THOC2: variants seen among roughly 807,000 people sequenced by gnomAD.
The protein encoded by THOC2 is THO complex 2.
Under a neutral mutation model 128.4 loss-of-function variants are expected in THOC2, and 10 were observed. The ratio of observed to expected loss-of-function variants is 0.08; its 90% CI spans 0.05 to 0.13. The LOEUF (loss-of-function observed/expected upper bound fraction) is 0.13. THOC2 is among the 10% of genes least tolerant of loss of function. The probability of loss-of-function intolerance (pLI) is 1.00; values close to 1 mark genes in which losing one functional copy is unlikely to be tolerated. For missense variants in THOC2, 535 were observed against 1,155.7 expected (o/e 0.46, Z 7.79); for synonymous variants, 393 against 396.9 (o/e 0.99, Z 0.12).
At chrX:123,615,024 T>G (rs2147554758) in intron 33 of THOC2, among the ~76,000 whole-genome samples, 1 of 111,924 alleles carries the variant, frequency 8.9e-6, no homozygotes, top group Non-Finnish European at 1.9e-5. Flanking sequence ...AATATGGAAA[T>G]ATGCTGTAAC....
At chrX:123,647,377 A>G (rs1264079748) in intron 12 of THOC2, among the ~76,000 whole-genome samples, 1 of 111,949 alleles carries the variant, frequency 8.9e-6, no homozygotes, top group South Asian at 3.7e-4. Context: ...ACATAATACT[A>G]TAAGTTTTAC....
intron 8 of THOC2, among the ~76,000 whole-genome samples, chrX:123,680,072 C>T (rs941560603): frequency 6.3e-5 from 7 of 111,471 alleles, no homozygotes; most frequent in Non-Finnish European, 1.3e-4. Flanking sequence ...TCCCCCAGTC[C>T]GACACCCGTA....
At chrX:123,626,339 C>T (rs1440289277) in intron 24 of THOC2, among the ~76,000 whole-genome samples, 182 bp downstream of exon 24, 1 of 112,232 alleles carries the variant, frequency 8.9e-6, no homozygotes, top group Non-Finnish European at 1.9e-5. Flanking sequence ...ACTTCACCAG[C>T]AAACTATATC....
chrX:123,635,377 G>A (rs767282176), intron 19 of THOC2, among the ~76,000 whole-genome samples: 4 of 111,642 alleles, frequency 3.6e-5, no homozygotes, highest in Non-Finnish European at 7.5e-5. Context: ...GCCAAAATAA[G>A]AATCTGTCAA....
At chrX:123,731,130 C>A (rs1035346787) in intron 1 of THOC2, among the ~76,000 whole-genome samples, 4 of 112,161 alleles carry the variant, frequency 3.6e-5, no homozygotes. Context: ...GGCTGGGTAA[C>A]TTCCCATCTT....
At chrX:123,697,796 T>A (rs2050505545) in intron 4 of THOC2, 45 bp from the exon 5 acceptor site, 4 of 531,942 alleles carry the variant, frequency 7.5e-6, no homozygotes, top group South Asian at 3.4e-5. Flanking sequence ...TTGTCTAGAC[T>A]CCCCAGCACT....
intron 4 of THOC2, among the ~76,000 whole-genome samples, chrX:123,702,580 A>T (rs1282377284): frequency 9.5e-6 from 1 of 105,342 alleles, no homozygotes; most frequent in African/African-American, 3.4e-5. Flanking sequence ...ACACATATAT[A>T]TTATATATAT....
rs745328071 is a variant in THOC2, at chrX:123,695,977, A to G, written c.601+44T>C. On this transcript the variant is annotated intron_variant, in intron 7 of 38. Transcript: ENST00000245838. ...TGGATATTCTCCAATAGCTAAAATA[A>G]CTTGTTATCTTAACAACACATACTA... The G allele has an allele frequency of 3.3e-6, 3 of 916,795 alleles. No individual in the cohort carries two copies. The South Asian group carries it at 8.5e-5, about 26-fold the overall frequency. The allele number at this position is 916,795 out of a possible 1,213,427, so 75.6% of individuals were successfully genotyped here. A position where few individuals can be genotyped will look rare whatever the true frequency, so the allele number is the denominator to read the frequency against.
intron 12 of THOC2, among the ~76,000 whole-genome samples, chrX:123,664,312 T>C (rs2048966470): frequency 8.9e-6 from 1 of 111,937 alleles, no homozygotes; most frequent in African/African-American, 3.2e-5. Context: ...ACTTCATGTC[T>C]AAAACACAAA....
intron 38 of THOC2, 84 bp downstream of exon 38, chrX:123,610,834 T>C (rs1295731470): frequency 1.4e-5 from 12 of 872,602 alleles, no homozygotes; most frequent in African/African-American, 2.1e-5. Flanking sequence ...TTGTAGCTTG[T>C]AAAATGCATC....
At chrX:123,692,478 A>G (rs1279610762) in intron 7 of THOC2, among the ~76,000 whole-genome samples, 2 of 103,617 alleles carry the variant, frequency 1.9e-5, no homozygotes, top group Non-Finnish European at 3.9e-5. Context: ...AGAATCTTTT[A>G]GGAGCAAATA....
chrX:123,612,958 T>A (rs1428863022), intron 36 of THOC2, among the ~76,000 whole-genome samples: 5 of 111,901 alleles, frequency 4.5e-5, no homozygotes, highest in Non-Finnish European at 7.5e-5. Context: ...AATACAAGTA[T>A]CAAACAAATG....
intron 8 of THOC2, among the ~76,000 whole-genome samples, chrX:123,678,880 C>T (rs1048799044): frequency 4.5e-5 from 5 of 110,910 alleles, no homozygotes; most frequent in African/African-American, 1.6e-4. Context: ...TAGACTTCTA[C>T]AAACTCCCAA....
At chrX:123,672,536 C>T (rs1023553178) in intron 8 of THOC2, among the ~76,000 whole-genome samples, 12 of 111,825 alleles carry the variant, frequency 1.1e-4, no homozygotes, top group African/African-American at 3.9e-4. Flanking sequence ...TCAGCATTTG[C>T]TTTATATTTT....
intron 15 of THOC2, among the ~76,000 whole-genome samples, chrX:123,642,999 G>A (rs1249836454): frequency 9.0e-6 from 1 of 111,438 alleles, no homozygotes; most frequent in Non-Finnish European, 1.9e-5. Flanking sequence ...ATATGCTAAA[G>A]AATAGTGATG....
intron 33 of THOC2, among the ~76,000 whole-genome samples, chrX:123,618,048 G>A (rs2147570473): frequency 9.0e-6 from 1 of 111,470 alleles, no homozygotes; most frequent in South Asian, 3.7e-4. Context: ...ATAAATAGCG[G>A]TATATAATTC....
At chrX:123,680,551 T>C (rs1375801671) in intron 8 of THOC2, among the ~76,000 whole-genome samples, 1 of 110,485 alleles carries the variant, frequency 9.1e-6, no homozygotes, top group Non-Finnish European at 1.9e-5. Flanking sequence ...ATACTTTGTC[T>C]CTGTGTCTCT....
chrX:123,671,657 C>T lies in THOC2; in HGVS notation c.861+12G>A. 2 of 1,051,455 alleles carry T rather than the reference C, an allele frequency of 1.9e-6. No individual in the cohort carries two copies. Among genetic ancestry groups the T allele is most frequent in the South Asian group, 4.5e-5 (2 of 44,336 alleles). The allele number at this position is 1,051,455 out of a possible 1,213,427, so 86.7% of individuals were successfully genotyped here. A position where few individuals can be genotyped will look rare whatever the true frequency, so the allele number is the denominator to read the frequency against. On this transcript the variant is annotated intron_variant, in intron 9 of 38. Coordinates refer to ENST00000245838, the MANE Select transcript of THOC2 (RefSeq NM_001081550.2). ...AGACAATCAAGTATTCTTAGCAGCC[C>T]ACTTGACTTACATGTACATAAAGAT...
At position 123,712,878 on chromosome X, in the gene THOC2, A is replaced by G. The variant is rs376713418; in HGVS notation, c.102T>C (p.Asn34=). ...FLHLCRILSE[N]KSHDSSTYRD... ...TGTATGTTGAACTATCATGGCTTTT[A>G]TTTTCACTGAGGATCCGACATAAAT... The change falls in exon 2 of 39, where the codon AAT becomes AAC. Residue 34 remains asparagine, a synonymous_variant. Transcript: ENST00000245838. 4.1e-5 allele frequency: 48 copies of G among 1,172,954 alleles called. No homozygotes were observed. In the African/African-American group the frequency reaches 8.4e-4, roughly 21 times the overall value.
Sources: allele counts gnomAD v4.1 joint callset (sites outside exome capture counted in the v4.1 genomes callset), GRCh38; gene constraint gnomAD v4.1.1; transcripts MANE v1.5; gene names NCBI Gene and HGNC (gene_info 2026-07-23, HGNC 2026-07-21).